Variants in DDR2 observed in about 807,000 individuals in gnomAD.
DDR2 encodes the protein discoidin domain receptor tyrosine kinase 2, also known as discoidin domain-containing receptor 2.
A neutral mutation model predicts 94.9 loss-of-function variants in DDR2; 27 were observed. The observed-to-expected ratio is 0.28, with a 90% confidence interval of 0.21 to 0.39. The LOEUF is 0.39. Ranked by LOEUF, DDR2 falls within the 10% of genes least tolerant of loss-of-function variation. The pLI is 1.00. For synonymous variants in DDR2, 382 were observed against 377.2 expected (o/e 1.01, Z -0.15); for missense variants, 783 against 1,076.0 (o/e 0.73, Z 3.81).
intron 2 of DDR2, among the ~76,000 whole-genome samples, chr1:162,683,882 A>G (rs1659535309): frequency 6.6e-6 from 1 of 152,144 alleles, no homozygotes; most frequent in Non-Finnish European, 1.5e-5. Context: ...ATAGATAGAA[A>G]GAGGATTATT....
intron 7 of DDR2, among the ~76,000 whole-genome samples, chr1:162,756,336 A>G (rs1340663521): frequency 2.6e-5 from 4 of 152,212 alleles, no homozygotes; most frequent in Non-Finnish European, 4.4e-5. Context: ...ACCTGGCTAT[A>G]GTAGAAGCTG....
chr1:162,750,123 A>G (rs1321093958), intron 3 of DDR2, among the ~76,000 whole-genome samples: 1 of 152,218 alleles, frequency 6.6e-6, no homozygotes, highest in Non-Finnish European at 1.5e-5. Context: ...TATTCAACAT[A>G]GTTTGGATGT....
In DDR2 at chr1:162,755,265, T is replaced by C; in HGVS notation, c.527T>C (p.Val176Ala). The C allele has an allele frequency of 1.9e-6, 3 of 1,613,862 alleles. No homozygotes were observed. The highest frequency in any genetic ancestry group is 2.5e-6 in the Non-Finnish European group (3 of 1,179,978). Residue 176 changes from valine to alanine, a missense_variant, in exon 6 of 18, where the codon GTG becomes GCG. This residue lies in a region of DDR2 where 519 missense variants were observed against 647.9 expected (regional missense o/e 0.80). Coordinates refer to ENST00000367921, the MANE Select transcript of DDR2 (RefSeq NM_006182.4). ...CCAGTCACCGACCACTCCATGAATGTGTGTATGAGAGTGGAGCTTTACGGC... is the reference window on the plus strand; with the variant it reads ...CCAGTCACCGACCACTCCATGAATGCGTGTATGAGAGTGGAGCTTTACGGC... The part of the protein sequence containing the change: ...FIPVTDHSMN[V>A]CMRVELYGCV...
intron 2 of DDR2, among the ~76,000 whole-genome samples, chr1:162,687,891 C>G (rs140091887): frequency 6.6e-6 from 1 of 152,234 alleles, no homozygotes; most frequent in Non-Finnish European, 1.5e-5. Context: ...TTTGGGTGCC[C>G]TTTTATATGC....
At chr1:162,633,709 A>G (rs1482769611) in intron 1 of DDR2, among the ~76,000 whole-genome samples, 1 of 152,234 alleles carries the variant, frequency 6.6e-6, no homozygotes, top group African/African-American at 2.4e-5. Context: ...CACCACAAGG[A>G]CGTTAATTAT....
chr1:162,709,840 A>G (rs192411377), intron 2 of DDR2, among the ~76,000 whole-genome samples: 2 of 152,340 alleles, frequency 1.3e-5, no homozygotes. Context: ...AAGGTTGAAT[A>G]ACTTGTCCAG....
intron 2 of DDR2, among the ~76,000 whole-genome samples, chr1:162,689,552 G>T (rs1261697126): frequency 6.7e-6 from 1 of 149,164 alleles, no homozygotes; most frequent in Non-Finnish European, 1.5e-5. Flanking sequence ...TTTCCTCAAA[G>T]ACTGTCTTAT....
At chr1:162,681,945 C>T (rs12129988) in intron 2 of DDR2, among the ~76,000 whole-genome samples, 1 of 152,172 alleles carries the variant, frequency 6.6e-6, no homozygotes, top group South Asian at 2.1e-4. Flanking sequence ...GTATAATCTG[C>T]TTCATTCAAA....
intron 2 of DDR2, among the ~76,000 whole-genome samples, chr1:162,693,400 CG>C (rs1660044110): frequency 6.6e-6 from 1 of 152,104 alleles, no homozygotes; most frequent in African/African-American, 2.4e-5. Context: ...GTTTCTGAAC[CG>C]CCTTTGTGTT....
chr1:162,666,006 TTTTTTC>T (rs1382404004), intron 2 of DDR2, among the ~76,000 whole-genome samples: 1 of 152,130 alleles, frequency 6.6e-6, no homozygotes, highest in East Asian at 1.9e-4. Flanking sequence ...ATTGCTCCCC[TTTTTTC>T]TTTTCACCAC....
chr1:162,753,084 T>C lies in DDR2; in HGVS notation c.83-11T>C. The C allele has an allele frequency of 1.2e-6, 2 of 1,611,588 alleles. No homozygotes were observed. Among genetic ancestry groups the C allele is most frequent in the Non-Finnish European group, 1.7e-6 (2 of 1,178,048 alleles). The stretch of plus-strand genomic sequence containing the variant: ...TGTCCTCTCTTTTCTCTTTGGTTTC[T>C]CTTGGTCTAGCTATATGCCGCTATC... On this transcript the variant is annotated splice_polypyrimidine_tract_variant and intron_variant, in intron 3 of 17. Transcript: ENST00000367921.
At chr1:162,701,273 G>T (rs1660420453) in intron 2 of DDR2, among the ~76,000 whole-genome samples, 1 of 152,234 alleles carries the variant, frequency 6.6e-6, no homozygotes, top group African/African-American at 2.4e-5. Context: ...AAACAGTTCA[G>T]CTGTAGTAGA....
At chr1:162,744,662 C>T (rs1662764920) in intron 3 of DDR2, among the ~76,000 whole-genome samples, 1 of 152,054 alleles carries the variant, frequency 6.6e-6, no homozygotes, top group African/African-American at 2.4e-5. Context: ...GCTGTCCCTC[C>T]CCTAGCCCCC....
intron 11 of DDR2, 64 bp downstream of exon 11, chr1:162,767,423 T>A: frequency 6.3e-7 from 1 of 1,598,730 alleles, no homozygotes; most frequent in Non-Finnish European, 8.5e-7. Flanking sequence ...GCCACTGTTG[T>A]CCCAGGAGTA....
chr1:162,640,370 A>G (rs1462688597), intron 1 of DDR2, among the ~76,000 whole-genome samples: 11 of 152,118 alleles, frequency 7.2e-5, no homozygotes, highest in Non-Finnish European at 1.5e-5. Flanking sequence ...ACAGACCATT[A>G]GGTTTATTGA....
At chr1:162,724,335 T>C (rs1465633953) in intron 3 of DDR2, among the ~76,000 whole-genome samples, 2 of 152,122 alleles carry the variant, frequency 1.3e-5, no homozygotes, top group African/African-American at 4.8e-5. Flanking sequence ...TGTATATTTA[T>C]GGGGATGAGA....
rs554780733 is a variant in DDR2, at chr1:162,640,557, A to G, written c.-192+7926A>G. Among the ~76,000 whole-genome samples, 3 of 152,256 alleles carry G rather than the reference A, an allele frequency of 2.0e-5. No homozygotes were observed. In the East Asian group the frequency reaches 5.8e-4, roughly 29 times the overall value. On this transcript the variant is annotated intron_variant, in intron 1 of 17. Transcript: ENST00000367921. ...AAGTTTAATTTAAAAAATCTGCCCA[A>G]TCTCCAAATTCTAATACTTTGATTC...
intron 1 of DDR2, among the ~76,000 whole-genome samples, chr1:162,642,822 T>C (rs1204136405): frequency 6.6e-6 from 1 of 152,188 alleles, no homozygotes; most frequent in African/African-American, 2.4e-5. Context: ...TACTTTTCAT[T>C]TGTTAAAGCT....
intron 3 of DDR2, among the ~76,000 whole-genome samples, chr1:162,749,038 C>T (rs1367623694): frequency 6.6e-6 from 1 of 152,054 alleles, no homozygotes; most frequent in African/African-American, 2.4e-5. Context: ...CACTAAATGC[C>T]CACAAGAGAA....
Sources: gnomAD v4.1 joint callset for allele counts (sites outside exome capture counted in the v4.1 genomes callset) on GRCh38, gnomAD v4.1.1 for gene constraint, gnomAD v4.1.1 regional missense constraint, MANE v1.5 for transcripts, NCBI Gene and HGNC (gene_info 2026-07-23, HGNC 2026-07-21) for gene names.